SLC27A6: variants seen among roughly 807,000 people sequenced by gnomAD.
SLC27A6 encodes the protein solute carrier family 27 member 6, also known as long-chain fatty acid transport protein 6.
A neutral mutation model predicts 63.9 loss-of-function variants in SLC27A6; 74 were observed. That is an observed-to-expected ratio of 1.16 (90% CI 0.96 to 1.40). The LOEUF (loss-of-function observed/expected upper bound fraction) is 1.40, where lower values mean the gene tolerates loss of function less well. Among genes scored for constraint, SLC27A6 ranks in the 40% most tolerant of loss-of-function variants. The pLI is 0.00. For missense variants in SLC27A6, 794 were observed against 732.9 expected (o/e 1.08, Z -0.96); for synonymous variants, 287 against 260.8 (o/e 1.10, Z -0.97).
At chr5:129,012,100 AAAT>A (rs1445176444) in intron 4 of SLC27A6, among the ~76,000 whole-genome samples, 1 of 151,764 alleles carries the variant, frequency 6.6e-6, no homozygotes, top group African/African-American at 2.4e-5. Flanking sequence ...TATAATATAA[AAAT>A]ACGTATTTTT....
At chr5:129,027,593 C>T (rs550608867) in intron 7 of SLC27A6, among the ~76,000 whole-genome samples, 2 of 152,150 alleles carry the variant, frequency 1.3e-5, no homozygotes, top group South Asian at 4.1e-4. Context: ...AACTGGCAGA[C>T]AGATGTAAAA....
rs765595631 is a variant in SLC27A6 at position 128,966,185 on chromosome 5, G to A, written c.48G>A (p.Leu16=). Residue 16 remains leucine, a synonymous_variant, in exon 1 of 10, where the codon CTG becomes CTA. Transcript: ENST00000262462. ...TTCTAGGGGCTGGAATGGTCGTCCT[G>A]CACTTCTTGCAGAAACTCCTGTTCC... ...LTVLGAGMVV[L]HFLQKLLFPY... is the part of the protein sequence containing the mutation. 2.5e-6 allele frequency: 4 copies of A among 1,589,598 alleles called. No homozygotes were observed. Among genetic ancestry groups the A allele is most frequent in the Non-Finnish European group, 3.4e-6 (4 of 1,169,132 alleles).
Position 128,966,632 on chromosome 5 carries a change from T to C in SLC27A6, c.481+14T>C, listed in dbSNP as rs201206690. ...TGGTGGGCGCAGGTAGAGTATGGGGTGTGGTCTGCCTATACAGAATGGCAG... is the reference window on the plus strand; with the variant it reads ...TGGTGGGCGCAGGTAGAGTATGGGGCGTGGTCTGCCTATACAGAATGGCAG... On this transcript the variant is annotated intron_variant, in intron 1 of 9. Transcript: ENST00000262462. 1.3e-6 allele frequency: 2 copies of C among 1,503,828 alleles called. No homozygotes were observed. The highest frequency in any genetic ancestry group is 1.4e-5 in the African/African-American group (1 of 71,770). The allele number at this position is 1,503,828 out of a possible 1,614,324, so 93.2% of individuals were successfully genotyped here.
At chr5:129,017,632 A>G (rs1223748446) in intron 5 of SLC27A6, among the ~76,000 whole-genome samples, 1 of 152,162 alleles carries the variant, frequency 6.6e-6, no homozygotes, top group African/African-American at 2.4e-5. Flanking sequence ...TCTGATTGAT[A>G]GAAGGCACAA....
intron 5 of SLC27A6, among the ~76,000 whole-genome samples, chr5:129,016,537 G>A (rs1329004531): frequency 6.7e-6 from 1 of 149,454 alleles, no homozygotes; most frequent in Non-Finnish European, 1.5e-5. Flanking sequence ...AGTGGCCTCA[G>A]TGTGAGAGAC....
At chr5:129,023,735 T>C in intron 6 of SLC27A6, 25 bp downstream of exon 6, 2 of 1,527,788 alleles carry the variant, frequency 1.3e-6, no homozygotes, top group Non-Finnish European at 1.8e-6. Flanking sequence ...TGAAGACATC[T>C]CCTCAAGCAA....
chr5:128,990,484 G>A lies in SLC27A6; in HGVS notation c.969+20G>A. 6.3e-7 allele frequency: 1 copy of A among 1,588,612 alleles called. No individual in the cohort carries two copies. Among genetic ancestry groups the A allele is most frequent in the Admixed American group, 1.9e-5 (1 of 53,388 alleles). ...TCTAAGGTAGGCGTAATCATTATCA[G>A]AAAAAAATATGTCAGAAAGAATAAG... On this transcript the variant is annotated intron_variant, in intron 4 of 9. Transcript: ENST00000262462.
At chr5:128,977,368 G>T (rs570222422) in intron 1 of SLC27A6, among the ~76,000 whole-genome samples, 1 of 152,108 alleles carries the variant, frequency 6.6e-6, no homozygotes, top group Non-Finnish European at 1.5e-5. Context: ...TGATTGGAGG[G>T]AGTCACTGTA....
chr5:128,981,636 C>T (rs1364338581), intron 1 of SLC27A6, among the ~76,000 whole-genome samples: 1 of 152,216 alleles, frequency 6.6e-6, no homozygotes, highest in East Asian at 1.9e-4. Context: ...GGAGAACACA[C>T]ATCATTCTTT....
At chr5:128,977,198 A>G (rs1249619224) in intron 1 of SLC27A6, among the ~76,000 whole-genome samples, 2 of 152,236 alleles carry the variant, frequency 1.3e-5, no homozygotes, top group African/African-American at 2.4e-5. Context: ...TCATTCATCC[A>G]GATAATAAAT....
intron 2 of SLC27A6, among the ~76,000 whole-genome samples, chr5:128,985,909 G>C (rs998304026): frequency 2.6e-5 from 4 of 152,118 alleles, no homozygotes; most frequent in African/African-American, 9.7e-5. Context: ...TGACAAACAG[G>C]AACTCTTGAA....
intron 4 of SLC27A6, among the ~76,000 whole-genome samples, chr5:129,005,662 G>A (rs1355276915): frequency 7.2e-6 from 1 of 139,746 alleles, no homozygotes; most frequent in Admixed American, 8.0e-5. Flanking sequence ...GCTCAGGCTG[G>A]AGTGCAGTGG....
At chr5:129,006,339 C>G (rs1751535796) in intron 4 of SLC27A6, among the ~76,000 whole-genome samples, 1 of 151,954 alleles carries the variant, frequency 6.6e-6, no homozygotes, top group Non-Finnish European at 1.5e-5. Flanking sequence ...ATCTGCCCGC[C>G]TCGGTCTCCC....
intron 3 of SLC27A6, among the ~76,000 whole-genome samples, chr5:128,989,428 G>C (rs1041791262): frequency 6.6e-6 from 1 of 152,134 alleles, no homozygotes; most frequent in African/African-American, 2.4e-5. Flanking sequence ...TTTGCTACTT[G>C]TATTTGTCTA....
rs1195794733 is a variant in SLC27A6 at position 128,983,289 on chromosome 5, G to GTTTTTTT, written c.482-1830_482-1824dup. On this transcript the variant is annotated intron_variant, in intron 1 of 9. Coordinates refer to ENST00000262462, the MANE Select transcript of SLC27A6 (RefSeq NM_001017372.3). ...ACAGAACTTGAGCATTCTGATCCGG[G>GTTTTTTT]TTTTTTTTTTTTTTTTTTTTGAGAC... Among the ~76,000 whole-genome samples the GTTTTTTT allele has an allele frequency of 1.8e-4, 20 of 111,110 alleles. 2 individuals are homozygous for GTTTTTTT. Among genetic ancestry groups the GTTTTTTT allele is most frequent in the East Asian group, 5.6e-4 (2 of 3,552 alleles). 72.9% of individuals were successfully genotyped at this position (111,110 alleles called of 152,430 possible). A position where few individuals can be genotyped will look rare whatever the true frequency, so the allele number is the denominator to read the frequency against.
chr5:128,991,391 C>T (rs972037963), intron 4 of SLC27A6, among the ~76,000 whole-genome samples: 3 of 152,048 alleles, frequency 2.0e-5, no homozygotes, highest in African/African-American at 7.2e-5. Flanking sequence ...CGTGCAATAC[C>T]CCAAGATAAA....
chr5:129,016,224 C>A, intron 5 of SLC27A6, 145 bp downstream of exon 5: 1 of 547,980 alleles, frequency 1.8e-6, no homozygotes, highest in Middle Eastern at 4.8e-4. Context: ...AACCCTGTCT[C>A]TACTAAAAAT....
chr5:129,021,846 C>CT (rs750762544), intron 5 of SLC27A6, among the ~76,000 whole-genome samples: 10 of 152,122 alleles, frequency 6.6e-5, no homozygotes, highest in Non-Finnish European at 1.5e-4. Context: ...ATCAAGTCCC[C>CT]TTTTTCTGAT....
At chr5:129,002,577 C>G (rs1285821524) in intron 4 of SLC27A6, among the ~76,000 whole-genome samples, 3 of 144,238 alleles carry the variant, frequency 2.1e-5, no homozygotes, top group Non-Finnish European at 3.0e-5. Flanking sequence ...TTCCTTCGTT[C>G]CTTCCTTCCA....
Sources: gnomAD v4.1 joint callset for allele counts (sites outside exome capture counted in the v4.1 genomes callset) on GRCh38, gnomAD v4.1.1 for gene constraint, MANE v1.5 for transcripts, NCBI Gene and HGNC (gene_info 2026-07-23, HGNC 2026-07-21) for gene names.